Variants in PRDM11 observed in about 807,000 individuals in gnomAD.
PRDM11 encodes the protein PR/SET domain 11.
A neutral mutation model predicts 97.8 loss-of-function variants in PRDM11; 20 were observed. The observed-to-expected ratio is 0.20, with a 90% confidence interval of 0.14 to 0.30. The LOEUF (loss-of-function observed/expected upper bound fraction) is 0.30, where lower values mean the gene tolerates loss of function less well. Ranked by LOEUF, PRDM11 falls within the 10% of genes least tolerant of loss-of-function variation. The pLI, the probability that PRDM11 is intolerant of heterozygous loss-of-function variation, is 1.00. For synonymous variants in PRDM11, 599 were observed against 637.7 expected, an observed-to-expected ratio of 0.94 and a Z score of 0.91; for missense variants, 1,139 against 1,555.2, an observed-to-expected ratio of 0.73 and a Z score of 4.50.
intron 1 of PRDM11, among the ~76,000 whole-genome samples, chr11:45,108,452 C>G (rs779164115): frequency 5.3e-5 from 8 of 152,204 alleles, no homozygotes; most frequent in South Asian, 2.1e-4. Flanking sequence ...CACTCCTGCC[C>G]ATGTGCCCAC....
intron 1 of PRDM11, among the ~76,000 whole-genome samples, chr11:45,107,739 C>T (rs915435578): frequency 1.3e-5 from 2 of 152,068 alleles, no homozygotes; most frequent in Non-Finnish European, 2.9e-5. Flanking sequence ...GATAGATTTG[C>T]GTGGCATTGT....
chr11:45,117,226 CAAAA>C (rs34073689), intron 1 of PRDM11, among the ~76,000 whole-genome samples: 4 of 82,248 alleles, frequency 4.9e-5, no homozygotes, highest in Admixed American at 1.4e-4. Context: ...GACTCCATCT[CAAAA>C]AAAAAAAAAA....
chr11:45,159,165 C>G (rs906539483), intron 1 of PRDM11, among the ~76,000 whole-genome samples: 3 of 152,234 alleles, frequency 2.0e-5, no homozygotes, highest in African/African-American at 7.2e-5. Context: ...GGCCCCAGGC[C>G]CAGGACAGTG....
At chr11:45,124,304 T>C (rs1852514551) in intron 1 of PRDM11, among the ~76,000 whole-genome samples, 1 of 152,200 alleles carries the variant, frequency 6.6e-6, no homozygotes, top group Non-Finnish European at 1.5e-5. Context: ...ACAATTTGAC[T>C]TCCTCTTTTC....
intron 1 of PRDM11, among the ~76,000 whole-genome samples, chr11:45,103,922 C>T (rs1434730700): frequency 6.6e-6 from 1 of 152,022 alleles, no homozygotes; most frequent in Non-Finnish European, 1.5e-5. Flanking sequence ...GCATTGAGGG[C>T]GATGGTTATC....
At chr11:45,131,135 G>A (rs1484922130) in intron 1 of PRDM11, among the ~76,000 whole-genome samples, 1 of 152,208 alleles carries the variant, frequency 6.6e-6, no homozygotes, top group Non-Finnish European at 1.5e-5. Context: ...AGCACAAGGA[G>A]TAGGTGTAAA....
chr11:45,203,713 C>T (rs868587315), intron 4 of PRDM11, among the ~76,000 whole-genome samples: 2 of 151,862 alleles, frequency 1.3e-5, no homozygotes, highest in South Asian at 2.1e-4. Flanking sequence ...CTCCGCCTCC[C>T]GGGTTCACAC....
At chr11:45,167,098 A>G (rs776463269) in intron 1 of PRDM11, among the ~76,000 whole-genome samples, 5 of 152,238 alleles carry the variant, frequency 3.3e-5, no homozygotes, top group Non-Finnish European at 7.3e-5. Flanking sequence ...CTGCAGGGTT[A>G]TAGAGAGGAT....
At chr11:45,144,937 C>T (rs1453502800), upstream of PRDM11, among the ~76,000 whole-genome samples, 1 of 152,196 alleles carries the variant, frequency 6.6e-6, no homozygotes, top group Non-Finnish European at 1.5e-5. Context: ...CTTGGGCAGA[C>T]CAAGACCTGC....
intron 1 of PRDM11, among the ~76,000 whole-genome samples, chr11:45,115,709 C>T (rs1959916068): frequency 6.6e-6 from 1 of 151,948 alleles, no homozygotes; most frequent in African/African-American, 2.4e-5. Flanking sequence ...GGGGGTGGAT[C>T]ACCTGACGTC....
intron 5 of PRDM11, among the ~76,000 whole-genome samples, chr11:45,205,418 G>C (rs1410800122): frequency 2.0e-5 from 3 of 152,118 alleles, no homozygotes; most frequent in Non-Finnish European, 4.4e-5. Flanking sequence ...CTGATGGTCT[G>C]TGCCATGTGC....
At chr11:45,100,279 TG>T (rs1405982427) in intron 1 of PRDM11, among the ~76,000 whole-genome samples, 7 of 152,208 alleles carry the variant, frequency 4.6e-5, no homozygotes, top group Admixed American at 3.9e-4. Context: ...GAGACCTCTT[TG>T]TACCTTTCAG....
At chr11:45,182,770 G>C in intron 3 of PRDM11, 91 bp from the exon 4 acceptor site, 2 of 1,425,902 alleles carry the variant, frequency 1.4e-6, no homozygotes, top group Non-Finnish European at 1.9e-6. Context: ...CTGTCCATGA[G>C]TGGGCCTCCT....
intron 1 of PRDM11, among the ~76,000 whole-genome samples, chr11:45,153,709 T>G (rs1851718762): frequency 6.6e-6 from 1 of 152,242 alleles, no homozygotes; most frequent in African/African-American, 2.4e-5. Flanking sequence ...TCAGTTTCCT[T>G]TCTGTAAATG....
chr11:45,110,063 A>G (rs566620038), intron 1 of PRDM11, among the ~76,000 whole-genome samples: 1 of 152,314 alleles, frequency 6.6e-6, no homozygotes, highest in South Asian at 2.1e-4. Flanking sequence ...TCAGTGACCC[A>G]AAGTGACCTT....
chr11:45,210,471 G>A (rs1026868948), intron 5 of PRDM11, among the ~76,000 whole-genome samples: 22 of 152,188 alleles, frequency 1.4e-4, no homozygotes, highest in Non-Finnish European at 2.6e-4. Flanking sequence ...CATCTCCCCC[G>A]TGCCCCGCCA....
chr11:45,130,921 G>A lies in PRDM11; in HGVS notation c.96+35020G>A, dbSNP rs192708314. On this transcript the variant is annotated intron_variant, in intron 1 of 6. Transcript: ENST00000530656. Reference sequence around the variant, plus strand: ...GTAGGTAACTACCCAAGATACATTAGAGTACACATGTCCATCAAAAAAGCA... The same window carrying A: ...GTAGGTAACTACCCAAGATACATTAAAGTACACATGTCCATCAAAAAAGCA... 1.3e-4 allele frequency among the ~76,000 whole-genome samples: 20 copies of A among 152,196 alleles called. 1 individual carries two copies. The East Asian group carries it at 3.1e-3, about 23-fold the overall frequency.
chr11:45,159,788 C>CT (rs766783808), intron 1 of PRDM11, among the ~76,000 whole-genome samples: 4 of 152,310 alleles, frequency 2.6e-5, no homozygotes, highest in South Asian at 2.1e-4. Context: ...CTTTCTTCTC[C>CT]TCCTTCCTTC....
chr11:45,119,353 C>A (rs1318396222), intron 1 of PRDM11, among the ~76,000 whole-genome samples: 1 of 151,976 alleles, frequency 6.6e-6, no homozygotes, highest in East Asian at 1.9e-4. Flanking sequence ...GGCGGCCGGG[C>A]GCGGTGGCTC....
Sources: allele counts gnomAD v4.1 joint callset (sites outside exome capture counted in the v4.1 genomes callset), GRCh38; gene constraint gnomAD v4.1.1; transcripts MANE v1.5; gene names NCBI Gene and HGNC (gene_info 2026-07-23, HGNC 2026-07-21).